Variants in GPR158 observed in about 807,000 individuals in gnomAD.
GPR158 encodes G protein-coupled receptor 158.
In GPR158, 30 loss-of-function variants were observed where a neutral mutation model predicts 78.2. That is an observed-to-expected ratio of 0.38 (90% confidence interval 0.29 to 0.52). GPR158 has a LOEUF of 0.52. Among genes scored for constraint, GPR158 ranks in the 20% least tolerant of loss-of-function variants. The probability of loss-of-function intolerance (pLI) is 0.83; values close to 1 mark genes in which losing one functional copy is unlikely to be tolerated. For missense variants in GPR158, 1,463 were observed against 1,523.5 expected (o/e 0.96, Z 0.66); for synonymous variants, 581 against 591.1 (o/e 0.98, Z 0.25).
In GPR158 at chr10:25,312,350, A is replaced by T. The variant is rs80143199; in HGVS notation, c.1009-83561A>T. On this transcript the variant is annotated intron_variant, in intron 2 of 10. Transcript: ENST00000376351. Reference sequence around the variant, plus strand: ...TTTAACCCAAAATGTAAAACATCACATTAAAATTACCACTGATCTCATCAG... The same window carrying T: ...TTTAACCCAAAATGTAAAACATCACTTTAAAATTACCACTGATCTCATCAG... Among the ~76,000 whole-genome samples the T allele has an allele frequency of 2.7e-4, 41 of 152,234 alleles. No homozygotes were observed. The East Asian group carries it at 7.7e-3, about 29-fold the overall frequency.
intron 2 of GPR158, among the ~76,000 whole-genome samples, chr10:25,249,419 GC>G (rs1224727213): frequency 2.6e-4 from 39 of 152,212 alleles, no homozygotes; most frequent in Non-Finnish European, 4.6e-4. Flanking sequence ...TCCAGTTTTT[GC>G]CCATTCAGTA....
At chr10:25,443,434 A>T (rs1360366417) in intron 4 of GPR158, among the ~76,000 whole-genome samples, 1 of 151,892 alleles carries the variant, frequency 6.6e-6, no homozygotes, top group Non-Finnish European at 1.5e-5. Flanking sequence ...ACCAGCCTGT[A>T]ATCCCAGTTA....
intron 1 of GPR158, among the ~76,000 whole-genome samples, chr10:25,205,537 C>CT (rs753621775): frequency 7.2e-5 from 11 of 151,944 alleles, no homozygotes; most frequent in Admixed American, 3.9e-4. Context: ...TGAGATCCTT[C>CT]TTTTTTGGTG....
chr10:25,548,157 A>G (rs1022978943), intron 5 of GPR158, among the ~76,000 whole-genome samples: 25 of 152,182 alleles, frequency 1.6e-4, no homozygotes, highest in African/African-American at 5.8e-4. Flanking sequence ...TCATTGAGCA[A>G]ATATTTAATA....
chr10:25,194,229 AG>A (rs1200762833), intron 1 of GPR158, among the ~76,000 whole-genome samples: 1 of 152,152 alleles, frequency 6.6e-6, no homozygotes, highest in Non-Finnish European at 1.5e-5. Context: ...AAGAGACTCA[AG>A]GCACAGGAGT....
intron 4 of GPR158, among the ~76,000 whole-genome samples, chr10:25,441,312 C>T (rs765899725): frequency 5.3e-5 from 8 of 152,196 alleles, no homozygotes; most frequent in African/African-American, 1.4e-4. Context: ...ATTAGCAAAA[C>T]GTGTACTGGC....
intron 5 of GPR158, 99 bp downstream of exon 5, chr10:25,466,818 T>G: frequency 5.5e-6 from 3 of 544,618 alleles, no homozygotes; most frequent in Non-Finnish European, 6.2e-6. Context: ...ACACACACCC[T>G]GGTGTTACTA....
intron 1 of GPR158, among the ~76,000 whole-genome samples, chr10:25,191,068 C>T (rs1384401036): frequency 6.6e-6 from 1 of 152,156 alleles, no homozygotes; most frequent in African/African-American, 2.4e-5. Flanking sequence ...ACAATACAGT[C>T]CCCTGAAAGT....
At chr10:25,371,345 G>A (rs10741079) in intron 2 of GPR158, among the ~76,000 whole-genome samples, 1 of 151,444 alleles carries the variant, frequency 6.6e-6, no homozygotes, top group African/African-American at 2.4e-5. Flanking sequence ...CCTTCAGGAG[G>A]TCTTTTAGGG....
chr10:25,252,822 T>C (rs1853828240), intron 2 of GPR158, among the ~76,000 whole-genome samples: 1 of 152,092 alleles, frequency 6.6e-6, no homozygotes, highest in East Asian at 1.9e-4. Context: ...CAGGCCTCCT[T>C]GAGCTGTGGT....
At chr10:25,212,657 G>GT (rs1853149720) in intron 1 of GPR158, among the ~76,000 whole-genome samples, 1 of 85,360 alleles carries the variant, frequency 1.2e-5, no homozygotes. Flanking sequence ...TTTGAGATGA[G>GT]TCTTGCTTTT....
chr10:25,291,912 T>C (rs72792076), intron 2 of GPR158, among the ~76,000 whole-genome samples: 1 of 151,998 alleles, frequency 6.6e-6, no homozygotes, highest in African/African-American at 2.4e-5. Flanking sequence ...CAAATATTGA[T>C]ATCTGATGTT....
At chr10:25,541,363 T>C (rs184038492) in intron 5 of GPR158, among the ~76,000 whole-genome samples, 129 of 152,206 alleles carry the variant, frequency 8.5e-4, no homozygotes, top group African/African-American at 3.0e-3. Flanking sequence ...TCCCAGCATA[T>C]GATTTTTTTT....
In GPR158 at chr10:25,472,525, T is replaced by A. The variant is rs1475835966; in HGVS notation, c.1404+5806T>A. ...AAAGTCATTGGTAGCTGGATGGGGATGGCATTGAATCTATAATTTGCCTTG... is the reference window on the plus strand; with the variant it reads ...AAAGTCATTGGTAGCTGGATGGGGAAGGCATTGAATCTATAATTTGCCTTG... On this transcript the variant is annotated intron_variant, in intron 5 of 10. Coordinates refer to ENST00000376351, the MANE Select transcript of GPR158 (RefSeq NM_020752.3). 6.6e-5 allele frequency among the ~76,000 whole-genome samples: 10 copies of A among 152,236 alleles called. No individual in the cohort carries two copies. In the East Asian group the frequency reaches 1.9e-3, roughly 29 times the overall value.
intron 7 of GPR158, among the ~76,000 whole-genome samples, chr10:25,585,292 C>T (rs917715004): frequency 1.6e-4 from 24 of 152,170 alleles, no homozygotes; most frequent in African/African-American, 5.6e-4. Flanking sequence ...ACTTACTCAA[C>T]AATTATTTAC....
At chr10:25,368,827 G>C (rs1833944467) in intron 2 of GPR158, among the ~76,000 whole-genome samples, 1 of 144,190 alleles carries the variant, frequency 6.9e-6, no homozygotes, top group Non-Finnish European at 1.5e-5. Flanking sequence ...CCATTTGTTT[G>C]TATCCTCTTT....
intron 4 of GPR158, among the ~76,000 whole-genome samples, chr10:25,440,768 A>G (rs1243175682): frequency 6.6e-6 from 1 of 152,186 alleles, no homozygotes; most frequent in East Asian, 1.9e-4. Flanking sequence ...TTATTTCTCC[A>G]TAAAGCATTC....
intron 4 of GPR158, among the ~76,000 whole-genome samples, chr10:25,429,868 A>G (rs1834875715): frequency 7.1e-6 from 1 of 141,218 alleles, no homozygotes; most frequent in Non-Finnish European, 1.5e-5. Flanking sequence ...TCTCAAAATA[A>G]TAAGAGCTAT....
At chr10:25,202,746 G>T (rs753905761) in intron 1 of GPR158, among the ~76,000 whole-genome samples, 1 of 152,112 alleles carries the variant, frequency 6.6e-6, no homozygotes, top group Non-Finnish European at 1.5e-5. Context: ...GCAGCATGAT[G>T]TATAATCCTT....
Sources: allele counts gnomAD v4.1 joint callset (sites outside exome capture counted in the v4.1 genomes callset), GRCh38; gene constraint gnomAD v4.1.1; transcripts MANE v1.5; gene names NCBI Gene and HGNC (gene_info 2026-07-23, HGNC 2026-07-21).